Variants in GPR176 observed in about 807,000 individuals in gnomAD.
The protein encoded by GPR176 is G protein-coupled receptor 176.
GPR176 carries 26 observed loss-of-function variants against 35.4 expected under a neutral mutation model. The observed-to-expected ratio is 0.74, with a 90% CI of 0.54 to 1.02. The LOEUF is 1.02. GPR176 is among the 50% of genes least tolerant of loss of function. GPR176 has a pLI of 0.00. For missense variants in GPR176, 597 were observed against 665.3 expected (o/e 0.90, Z 1.13); for synonymous variants, 278 against 271.3 (o/e 1.02, Z -0.24).
chr15:39,909,318 T>C (rs1053807652), intron 1 of GPR176, among the ~76,000 whole-genome samples: 7 of 152,214 alleles, frequency 4.6e-5, no homozygotes, highest in African/African-American at 1.7e-4. Flanking sequence ...TAATAGTTGG[T>C]ACATGGCAAC....
chr15:39,853,128 C>T (rs2140811921), intron 1 of GPR176, among the ~76,000 whole-genome samples: 1 of 152,238 alleles, frequency 6.6e-6, no homozygotes, highest in Non-Finnish European at 1.5e-5. Flanking sequence ...ATGGTCATTG[C>T]AGCATTGTTC....
intron 1 of GPR176, among the ~76,000 whole-genome samples, chr15:39,908,975 T>C (rs1486656720): frequency 1.3e-5 from 2 of 152,176 alleles, no homozygotes; most frequent in Non-Finnish European, 2.9e-5. Context: ...GGGGAAGTCA[T>C]ATTTTAAAAA....
intron 1 of GPR176, among the ~76,000 whole-genome samples, chr15:39,864,955 A>G (rs1405086741): frequency 6.6e-6 from 1 of 151,768 alleles, no homozygotes; most frequent in African/African-American, 2.4e-5. Flanking sequence ...AACGCTCAAC[A>G]TTGCTAATCA....
At chr15:39,834,233 A>G (rs1901262660) in intron 1 of GPR176, among the ~76,000 whole-genome samples, 1 of 152,194 alleles carries the variant, frequency 6.6e-6, no homozygotes, top group Non-Finnish European at 1.5e-5. Context: ...AATATTTCCA[A>G]TTTAAAAAGT....
chr15:39,898,863 G>A (rs1220057849), intron 1 of GPR176, among the ~76,000 whole-genome samples: 1 of 152,196 alleles, frequency 6.6e-6, no homozygotes, highest in Admixed American at 6.5e-5. Flanking sequence ...TGTGGGTGGG[G>A]GAGAAGGGGT....
chr15:39,843,954 A>C (rs1167322554), intron 1 of GPR176, among the ~76,000 whole-genome samples: 1 of 152,096 alleles, frequency 6.6e-6, no homozygotes, highest in Non-Finnish European at 1.5e-5. Context: ...GTCACTTTCC[A>C]CCCAAGTTCT....
intron 1 of GPR176, among the ~76,000 whole-genome samples, chr15:39,809,685 C>G (rs554215003): frequency 9.2e-5 from 14 of 152,140 alleles, no homozygotes; most frequent in Non-Finnish European, 1.6e-4. Context: ...TGACAATACT[C>G]AACGCCATTG....
At chr15:39,885,925 A>G (rs945094681) in intron 1 of GPR176, among the ~76,000 whole-genome samples, 1 of 152,180 alleles carries the variant, frequency 6.6e-6, no homozygotes, top group East Asian at 1.9e-4. Flanking sequence ...AACACTAAAC[A>G]ATGCATCTTT....
At chr15:39,907,198 G>GA (rs1235914069) in intron 1 of GPR176, among the ~76,000 whole-genome samples, 2 of 152,200 alleles carry the variant, frequency 1.3e-5, no homozygotes, top group East Asian at 3.8e-4. Context: ...ATGAGTTAAA[G>GA]AAACATAAAA....
At chr15:39,809,487 G>A (rs999249020) in intron 1 of GPR176, among the ~76,000 whole-genome samples, 7 of 151,984 alleles carry the variant, frequency 4.6e-5, no homozygotes, top group Admixed American at 1.3e-4. Flanking sequence ...ATTCTCCTTC[G>A]TTTTACAAGG....
chr15:39,879,761 T>C (rs1370431045), intron 1 of GPR176, among the ~76,000 whole-genome samples: 1 of 152,134 alleles, frequency 6.6e-6, no homozygotes, highest in African/African-American at 2.4e-5. Context: ...CCTCACTCAC[T>C]CCCTATTTGT....
intron 1 of GPR176, among the ~76,000 whole-genome samples, chr15:39,897,501 T>C (rs952494605): frequency 2.0e-5 from 3 of 152,144 alleles, no homozygotes; most frequent in Non-Finnish European, 4.4e-5. Context: ...ACCCTCCACC[T>C]TTCACCATCC....
At position 39,799,222 on chromosome 15, in the gene GPR176, T is replaced by C. The variant is rs1411637032; in HGVS notation, c.*1910A>G. On this transcript the variant is annotated 3_prime_UTR_variant, in exon 3 of 3. Coordinates refer to ENST00000561100, the MANE Select transcript of GPR176 (RefSeq NM_007223.3). ...ACCAAAGTGGCTACACTTGACAGAT[T>C]CTCCTAAAGTGGACATAATTTTCCT... The C allele has an allele frequency of 6.6e-6, 1 of 152,206 alleles. No individual in the cohort carries two copies. The highest frequency in any genetic ancestry group is 6.5e-5 in the Admixed American group (1 of 15,282). The allele number at this position is 152,206 out of a possible 1,614,324, so 9.4% of individuals were successfully genotyped here.
chr15:39,806,776 T>C (rs1472212022), intron 2 of GPR176, among the ~76,000 whole-genome samples: 1 of 152,180 alleles, frequency 6.6e-6, no homozygotes, highest in African/African-American at 2.4e-5. Flanking sequence ...ATCCTCACCA[T>C]GGAACTCCCA....
At chr15:39,844,893 T>A (rs2140797962) in intron 1 of GPR176, among the ~76,000 whole-genome samples, 1 of 152,102 alleles carries the variant, frequency 6.6e-6, no homozygotes, top group African/African-American at 2.4e-5. Flanking sequence ...CTGGGAAAGT[T>A]AGTAGGATGT....
At chr15:39,811,349 A>C (rs1161422421) in intron 1 of GPR176, among the ~76,000 whole-genome samples, 1 of 152,104 alleles carries the variant, frequency 6.6e-6, no homozygotes, top group Non-Finnish European at 1.5e-5. Context: ...CATTTAATAT[A>C]ATTATTGATA....
intron 1 of GPR176, among the ~76,000 whole-genome samples, chr15:39,882,629 T>C (rs867020695): frequency 1.3e-5 from 2 of 152,370 alleles, no homozygotes; most frequent in South Asian, 4.1e-4. Flanking sequence ...GTTACCTTTA[T>C]GCCAAAACAC....
intron 1 of GPR176, among the ~76,000 whole-genome samples, chr15:39,866,947 C>G (rs1485138756): frequency 6.6e-6 from 1 of 151,922 alleles, no homozygotes; most frequent in African/African-American, 2.4e-5. Context: ...CAAGAGGGTA[C>G]AGCAGGATCA....
intron 1 of GPR176, among the ~76,000 whole-genome samples, chr15:39,901,530 G>T (rs1158832498): frequency 6.6e-6 from 1 of 152,122 alleles, no homozygotes; most frequent in East Asian, 1.9e-4. Context: ...CATTCTCTTT[G>T]CAAGAATAAG....
Sources: gnomAD v4.1 joint callset for allele counts (sites outside exome capture counted in the v4.1 genomes callset) on GRCh38, gnomAD v4.1.1 for gene constraint, MANE v1.5 for transcripts, NCBI Gene and HGNC (gene_info 2026-07-23, HGNC 2026-07-21) for gene names.